Variants in MAMDC4 observed in about 807,000 individuals in gnomAD.
MAMDC4 encodes the protein MAM domain containing 4, also known as apical endosomal glycoprotein.
MAMDC4 carries 168 observed loss-of-function variants against 153.3 expected under a neutral mutation model. The ratio of observed to expected loss-of-function variants is 1.10; its 90% confidence interval spans 0.97 to 1.25. MAMDC4 has a LOEUF of 1.25. Among genes scored for constraint, MAMDC4 ranks in the 50% most tolerant of loss-of-function variants. MAMDC4 has a pLI of 0.00. For synonymous variants in MAMDC4, 744 were observed against 651.5 expected (o/e 1.14, Z -2.16); for missense variants, 1,701 against 1,542.8 (o/e 1.10, Z -1.72).
chr9:136,856,962 C>T lies in MAMDC4; in HGVS notation c.1893C>T (p.His631=). 2 of 1,612,444 alleles carry T rather than the reference C, an allele frequency of 1.2e-6. No individual in the cohort carries two copies. The highest frequency in any genetic ancestry group is 1.7e-6 in the Non-Finnish European group (2 of 1,179,738). ...TDPLAWGHSA[H]LLSRPQVPAA... ...CCCTGGCCTGGGGCCACAGTGCCCACCTGCTCTCCAGGCCCCAGGTGCCAG... is the reference window on the plus strand; with the variant it reads ...CCCTGGCCTGGGGCCACAGTGCCCATCTGCTCTCCAGGCCCCAGGTGCCAG... Residue 631 remains histidine (H), a synonymous_variant, in exon 16 of 27, where the codon CAC becomes CAT. Coordinates refer to ENST00000317446, the MANE Select transcript of MAMDC4 (RefSeq NM_206920.3).
chr9:136,854,552 C>T lies in MAMDC4; in HGVS notation c.810C>T (p.Ala270=), dbSNP rs1848974753. Residue 270 remains alanine (A), a synonymous_variant, in exon 8 of 27, where the codon GCC becomes GCT. Coordinates refer to ENST00000317446, the MANE Select transcript of MAMDC4 (RefSeq NM_206920.3). ...CTCCTGCCCTAGGCCGCCACATAGC[C>T]ACCGACTTTGAGACAGGCCTGGGCC... The part of the protein sequence containing the change: ...ENPLTCGRHI[A]TDFETGLGPW... The T allele has an allele frequency of 1.2e-6, 2 of 1,606,042 alleles. No individual in the cohort carries two copies. The highest frequency in any genetic ancestry group is 1.1e-5 in the South Asian group (1 of 90,096).
chr9:136,856,214 C>G, intron 14 of MAMDC4, 65 bp downstream of exon 14: 1 of 1,611,140 alleles, frequency 6.2e-7, no homozygotes. Context: ...TGGGAGGGGT[C>G]TGGGGCCGGG....
In MAMDC4 at chr9:136,854,562, G is replaced by C; in HGVS notation, c.820G>C (p.Glu274Gln). The C allele has an allele frequency of 6.2e-7, 1 of 1,606,964 alleles. No individual in the cohort carries two copies. Among genetic ancestry groups the C allele is most frequent in the South Asian group, 1.1e-5 (1 of 90,238 alleles). Residue 274 changes from glutamate to glutamine, a missense_variant, in exon 8 of 27, where the codon GAG becomes CAG. Transcript: ENST00000317446. ...TCGRHIATDF[E>Q]TGLGPWNRSE... ...AGGCCGCCACATAGCCACCGACTTT[G>C]AGACAGGCCTGGGCCCATGGAACCG...
chr9:136,853,574 G>A lies in MAMDC4; in HGVS notation c.358G>A (p.Gly120Arg), dbSNP rs764894543. 47 of 1,612,508 alleles carry A rather than the reference G, an allele frequency of 2.9e-5. No homozygotes were observed. Among genetic ancestry groups the A allele is most frequent in the Non-Finnish European group, 3.5e-5 (41 of 1,179,960 alleles). The change falls in exon 4 of 27, where the codon GGG (glycine) becomes AGG (arginine). Residue 120 changes from glycine to arginine, a missense_variant. Physicochemically the swap from Gly to Arg is moderately radical, Grantham distance 125. Transcript: ENST00000317446. The part of the protein sequence containing the change: ...GWYMAVGTHR[G>R]KEASTAALRS... The stretch of plus-strand genomic sequence containing the variant: ...GTACATGGCCGTTGGAACCCACCGA[G>A]GGAAAGAGGCATCCACCGCAGCCCT...
rs773594601 is a variant in MAMDC4 at position 136,856,294 on chromosome 9, G to A, written c.1720+145G>A. 1.3e-5 allele frequency: 17 copies of A among 1,340,226 alleles called. No homozygotes were observed. In the African/African-American group the frequency reaches 1.9e-4, roughly 15 times the overall value. The allele number at this position is 1,340,226 out of a possible 1,614,324, so 83.0% of individuals were successfully genotyped here. ...TAGTTGTGGTGGACAACGGCTCCCG[G>A]GAGCTGGCATGGCAGGCCCTGAGCA... On this transcript the variant is annotated intron_variant, in intron 14 of 26. Transcript: ENST00000317446.
chr9:136,860,245 C>T (rs1032116934), intron 26 of MAMDC4, among the ~76,000 whole-genome samples, 181 bp downstream of exon 26: 7 of 152,170 alleles, frequency 4.6e-5, no homozygotes, highest in African/African-American at 1.4e-4. Flanking sequence ...CTTGGCCGGG[C>T]GCGGTGGCTC....
chr9:136,856,083 C>T lies in MAMDC4; in HGVS notation c.1654C>T (p.Leu552Phe). The change falls in exon 14 of 27, where the codon CTC (leucine) becomes TTC (phenylalanine). Residue 552 changes from leucine to phenylalanine, a missense_variant. Coordinates refer to ENST00000317446, the MANE Select transcript of MAMDC4 (RefSeq NM_206920.3). ...CGCTGAGGCCCGGGTCCTCACACCC[C>T]TCCTTGGCCCTTCTGGCCCCAGCTG... ...LGAEARVLTPLLGPSGPSCEL... is the reference protein window; with the variant it reads ...LGAEARVLTPFLGPSGPSCEL... The T allele has an allele frequency of 6.2e-7, 1 of 1,612,498 alleles. No individual in the cohort carries two copies. The highest frequency in any genetic ancestry group is 8.5e-7 in the Non-Finnish European group (1 of 1,179,894).
At position 136,854,633 on chromosome 9, in the gene MAMDC4, C is replaced by T; in HGVS notation, c.891C>T (p.Arg297=). Residue 297 remains arginine, a synonymous_variant, in exon 8 of 27, where the codon CGC becomes CGT. Transcript: ENST00000317446. ...SRNHRAGGPE[R]PSWPRRDHSR... ...ACCACCGCGCTGGTGGTCCTGAGCGCCCCTCCTGGCCACGCCGTGACCACA... is the reference window on the plus strand; with the variant it reads ...ACCACCGCGCTGGTGGTCCTGAGCGTCCCTCCTGGCCACGCCGTGACCACA... 1 of 1,608,788 alleles carries T rather than the reference C, an allele frequency of 6.2e-7. No homozygotes were observed. The highest frequency in any genetic ancestry group is 2.2e-5 in the East Asian group (1 of 44,556).
chr9:136,859,416 G>A (rs940187171), intron 25 of MAMDC4, 99 bp downstream of exon 25: 12 of 1,073,134 alleles, frequency 1.1e-5, no homozygotes, highest in South Asian at 7.9e-5. Flanking sequence ...CAGGAGCTGC[G>A]AGCATGCTGC....
chr9:136,855,568 CTG>C lies in MAMDC4; in HGVS notation c.1425_1426del (p.Cys475Ter), dbSNP rs1564386703. On this transcript the variant is annotated frameshift_variant, in exon 12 of 27. Coordinates refer to ENST00000317446, the MANE Select transcript of MAMDC4 (RefSeq NM_206920.3). LOFTEE classifies it high-confidence loss of function. ...CGDLCVPPEQ[L>X]CDFEEQCAGG... ...GGACCTGTGTGTGCCCCCGGAACAA[CTG>C]TGTGACTTCGAGGAGCAGTGCGCAG... 2 of 1,592,692 alleles carry C rather than the reference CTG, an allele frequency of 1.3e-6. No individual in the cohort carries two copies. The highest frequency in any genetic ancestry group is 3.5e-5 in the Admixed American group (2 of 57,062).
At position 136,860,799 on chromosome 9, in the gene MAMDC4, A is replaced by G; in HGVS notation, c.*196A>G. ...CACCCTGGCCCATGAGGGCAGCCCA[A>G]GCTCCCAGGGTGAAGTCAGTGTGTC... On this transcript the variant is annotated 3_prime_UTR_variant, in exon 27 of 27. Coordinates refer to ENST00000317446, the MANE Select transcript of MAMDC4 (RefSeq NM_206920.3). 1 of 591,270 alleles carries G rather than the reference A, an allele frequency of 1.7e-6. No homozygotes were observed. The allele number at this position is 591,270 out of a possible 1,614,324, so 36.6% of individuals were successfully genotyped here.
chr9:136,857,812 A>T lies in MAMDC4; in HGVS notation c.2464+16A>T. ...CGCAGCCCAGGTGAGGGGCTTTGGG[A>T]GGGGGCCCCAGTGGGCTCAGGGAAG... On this transcript the variant is annotated intron_variant, in intron 19 of 26. Transcript: ENST00000317446. 1 of 1,609,016 alleles carries T rather than the reference A, an allele frequency of 6.2e-7. No individual in the cohort carries two copies. Among genetic ancestry groups the T allele is most frequent in the Non-Finnish European group, 8.5e-7 (1 of 1,178,096 alleles).
At chr9:136,852,784 G>A (rs1396544863) in intron 1 of MAMDC4, among the ~76,000 whole-genome samples, 1 of 152,184 alleles carries the variant, frequency 6.6e-6, no homozygotes, top group Non-Finnish European at 1.5e-5. Context: ...GCCGCCCGTC[G>A]ATGCCTCCCA....
chr9:136,857,098 T>TC, intron 16 of MAMDC4, 57 bp downstream of exon 16: 1 of 1,601,972 alleles, frequency 6.2e-7, no homozygotes, highest in Non-Finnish European at 8.5e-7. Flanking sequence ...GGGTTCAGAG[T>TC]CCCCCGCTCT....
Position 136,856,402 on chromosome 9 carries a change from T to C in MAMDC4, c.1720+253T>C, listed in dbSNP as rs769506262. ...TCCGGGTGAGGAGGGCAGCCCAGAG[T>C]GGGAGCTCCGCTGGAGCGGGCCCTG... On this transcript the variant is annotated intron_variant, in intron 14 of 26. Transcript: ENST00000317446. 3.0e-5 allele frequency: 24 copies of C among 799,688 alleles called. No homozygotes were observed. The African/African-American group carries it at 3.5e-4, about 12-fold the overall frequency. 49.5% of individuals were successfully genotyped at this position (799,688 alleles called of 1,614,324 possible). A position where few individuals can be genotyped will look rare whatever the true frequency, so the allele number is the denominator to read the frequency against.
chr9:136,855,730 A>G lies in MAMDC4; in HGVS notation c.1472-2A>G. 6.3e-6 allele frequency: 10 copies of G among 1,575,620 alleles called. No homozygotes were observed. The highest frequency in any genetic ancestry group is 7.7e-6 in the Non-Finnish European group (9 of 1,161,766). ...GCCATTCAGTGCCGGCTGCTGTTCC[A>G]GGCACCACAGACTTTGAGTCCCCCG... On this transcript the variant is annotated splice_acceptor_variant, in intron 12 of 26. Coordinates refer to ENST00000317446, the MANE Select transcript of MAMDC4 (RefSeq NM_206920.3). LOFTEE classifies it high-confidence loss of function.
At position 136,853,849 on chromosome 9, in the gene MAMDC4, GGGGCCC is replaced by G; in HGVS notation, c.528_533del (p.Trp176_Pro178delinsCys). The G allele has an allele frequency of 1.9e-6, 3 of 1,612,272 alleles. No individual in the cohort carries two copies. The highest frequency in any genetic ancestry group is 2.5e-6 in the Non-Finnish European group (3 of 1,179,644). ...ACCCTGTGGCAGAGCACAGGGCCCTGGGGCCCTGGCTGGCAGGAGTTGGCAGTGACC... is the reference window on the plus strand; with the variant it reads ...ACCCTGTGGCAGAGCACAGGGCCCTGTGGCTGGCAGGAGTTGGCAGTGACC... On this transcript the variant is annotated inframe_deletion, in exon 5 of 27. Coordinates refer to ENST00000317446, the MANE Select transcript of MAMDC4 (RefSeq NM_206920.3).
intron 22 of MAMDC4, 67 bp downstream of exon 22, chr9:136,858,613 A>G (rs1849042716): frequency 6.3e-7 from 1 of 1,582,334 alleles, no homozygotes; most frequent in South Asian, 1.1e-5. Flanking sequence ...GCCCACCCAC[A>G]GAGTACATGC....
intron 25 of MAMDC4, 57 bp from the exon 26 acceptor site, chr9:136,859,829 C>T (rs1849059786): frequency 6.3e-7 from 1 of 1,585,966 alleles, no homozygotes; most frequent in African/African-American, 1.3e-5. Flanking sequence ...AGGCTTCCTC[C>T]TTAGCCCCAG....
Sources: gnomAD v4.1 joint callset for allele counts (sites outside exome capture counted in the v4.1 genomes callset) on GRCh38, gnomAD v4.1.1 for gene constraint, MANE v1.5 for transcripts, NCBI Gene and HGNC (gene_info 2026-07-23, HGNC 2026-07-21) for gene names.